Variants in DPYSL2 observed in about 807,000 individuals in gnomAD.
DPYSL2 encodes the protein dihydropyrimidinase like 2.
A neutral mutation model predicts 69.9 loss-of-function variants in DPYSL2; 13 were observed. That is an observed-to-expected ratio of 0.19 (90% CI 0.12 to 0.30). DPYSL2 has a LOEUF of 0.30. DPYSL2 is among the 10% of genes least tolerant of loss of function. The pLI, the probability that DPYSL2 is intolerant of heterozygous loss-of-function variation, is 1.00. For synonymous variants in DPYSL2, 326 were observed against 359.1 expected (o/e 0.91, Z 1.04); for missense variants, 587 against 918.9 (o/e 0.64, Z 4.67).
At position 26,656,464 on chromosome 8, in the gene DPYSL2, G is replaced by C. The variant is rs1024831035; in HGVS notation, c.*758G>C. On this transcript the variant is annotated 3_prime_UTR_variant, in exon 14 of 14. Transcript: ENST00000521913. Reference sequence around the variant, plus strand: ...CTCTTCTCTTTTACCATTTTTCTGCGTGCTCTCACTCTCTCTTTCTCTCTC... The same window carrying C: ...CTCTTCTCTTTTACCATTTTTCTGCCTGCTCTCACTCTCTCTTTCTCTCTC... 1.3e-5 allele frequency: 2 copies of C among 152,278 alleles called. No individual in the cohort carries two copies. Among genetic ancestry groups the C allele is most frequent in the Non-Finnish European group, 2.9e-5 (2 of 67,976 alleles). 9.4% of individuals were successfully genotyped at this position (152,278 alleles called of 1,614,324 possible).
At chr8:26,603,160 T>C (rs1476447846) in intron 3 of DPYSL2, among the ~76,000 whole-genome samples, 1 of 152,176 alleles carries the variant, frequency 6.6e-6, no homozygotes, top group Non-Finnish European at 1.5e-5. Flanking sequence ...TTCTTCTTTA[T>C]TTATTTGTTT....
rs1484020211 is a variant in DPYSL2, at chr8:26,617,802, G to A, written c.629-6341G>A. Among the ~76,000 whole-genome samples, 2 of 152,180 alleles carry A rather than the reference G, an allele frequency of 1.3e-5. No homozygotes were observed. Among genetic ancestry groups the A allele is most frequent in the Non-Finnish European group, 2.9e-5 (2 of 68,028 alleles). ...AAATGTCCTGAATAAACAAATCTAT[G>A]GAGACGGGAAGTAGATTGATGGTGG... On this transcript the variant is annotated intron_variant, in intron 3 of 13. Transcript: ENST00000521913. This position sits in a 1 kb window ranked among gnomAD's most constrained non-coding sequence, Gnocchi z 4.7.
In DPYSL2 at chr8:26,586,203, G is replaced by A. The variant is rs1203406154; in HGVS notation, c.628+2220G>A. On this transcript the variant is annotated intron_variant, in intron 3 of 13. Coordinates refer to ENST00000521913, the MANE Select transcript of DPYSL2 (RefSeq NM_001197293.3). This position sits in a 1 kb window ranked among gnomAD's most constrained non-coding sequence, Gnocchi z 4.7. ...CAGGAGTTAGGAGTCTGGAGTGCTG[G>A]CCCCCTTCTGACACTGACTTGCCGT... Among the ~76,000 whole-genome samples the A allele has an allele frequency of 1.3e-5, 2 of 152,132 alleles. No homozygotes were observed. The highest frequency in any genetic ancestry group is 2.4e-5 in the African/African-American group (1 of 41,418).
At position 26,647,744 on chromosome 8, in the gene DPYSL2, C is replaced by T; in HGVS notation, c.1540C>T (p.Leu514=). 1 of 1,614,102 alleles carries T rather than the reference C, an allele frequency of 6.2e-7. No individual in the cohort carries two copies. The highest frequency in any genetic ancestry group is 8.5e-7 in the Non-Finnish European group (1 of 1,180,024). The part of the protein sequence containing the change: ...GRIAVGSDAD[L]VIWDPDSVKT... ...CATTGCTGTGGGATCCGATGCCGAC[C>T]TGGTCATCTGGGACCCCGACAGCGT... is the stretch of plus-strand genomic sequence containing the variant. Residue 514 remains leucine, a synonymous_variant, in exon 11 of 14, where the codon CTG becomes TTG. Transcript: ENST00000521913. This position sits in a 1 kb window ranked among gnomAD's most constrained non-coding sequence, Gnocchi z 5.1.
intron 1 of DPYSL2, among the ~76,000 whole-genome samples, chr8:26,550,287 A>G (rs1364941407): frequency 6.6e-6 from 1 of 152,232 alleles, no homozygotes; most frequent in Non-Finnish European, 1.5e-5. Flanking sequence ...CTAAAAAGGG[A>G]CATAATTGAT....
At chr8:26,550,326 A>G (rs1250147550) in intron 1 of DPYSL2, among the ~76,000 whole-genome samples, 2 of 152,234 alleles carry the variant, frequency 1.3e-5, no homozygotes, top group African/African-American at 2.4e-5. Flanking sequence ...ATGGAGTTAC[A>G]TAAAGTAATC....
At chr8:26,590,285 G>A (rs1284895953) in intron 3 of DPYSL2, among the ~76,000 whole-genome samples, 1 of 152,212 alleles carries the variant, frequency 6.6e-6, no homozygotes, top group African/African-American at 2.4e-5. Context: ...TGGGCCATTG[G>A]TGTGGGCTGG....
At chr8:26,553,435 G>A (rs2117638930) in intron 1 of DPYSL2, among the ~76,000 whole-genome samples, 1 of 152,130 alleles carries the variant, frequency 6.6e-6, no homozygotes, top group Admixed American at 6.5e-5. Context: ...GTGTCCATGT[G>A]TTTTCATCAC....
intron 3 of DPYSL2, among the ~76,000 whole-genome samples, chr8:26,584,613 C>CTT (rs35587383): frequency 0.079 from 7,893 of 99,904 alleles, 493 homozygotes; most frequent in African/African-American, 0.14. Context: ...GGGCTTTGTG[C>CTT]TTTTTTTTTT....
intron 3 of DPYSL2, among the ~76,000 whole-genome samples, chr8:26,612,980 G>A (rs17055514): frequency 0.013 from 2,047 of 152,322 alleles, 25 homozygotes; most frequent in Middle Eastern, 0.068. Flanking sequence ...GATAAGGTAC[G>A]TGATAACACT....
At chr8:26,543,508 A>T (rs1275638862) in intron 1 of DPYSL2, among the ~76,000 whole-genome samples, 1 of 145,844 alleles carries the variant, frequency 6.9e-6, no homozygotes, top group Non-Finnish European at 1.5e-5. Flanking sequence ...TTTTTTTGAG[A>T]TGGAGTTTTG....
intron 1 of DPYSL2, among the ~76,000 whole-genome samples, chr8:26,544,265 G>A (rs958235592): frequency 1.3e-5 from 2 of 152,130 alleles, no homozygotes; most frequent in Admixed American, 1.3e-4. Flanking sequence ...AGCCAATTGT[G>A]CCTCACCATA....
rs1374555524 is a variant in DPYSL2 at position 26,580,791 on chromosome 8, G to A, written c.355-1178G>A. ...TTGAAATGTGTTGCATATTAAAAGG[G>A]CAATGTATGGTTCAGCTTGCCAGGT... On this transcript the variant is annotated intron_variant, in intron 1 of 13. Transcript: ENST00000521913. This position sits in a 1 kb window ranked among gnomAD's most constrained non-coding sequence, Gnocchi z 4.1. 6.6e-6 allele frequency among the ~76,000 whole-genome samples: 1 copy of A among 152,092 alleles called. No homozygotes were observed. The highest frequency in any genetic ancestry group is 2.4e-5 in the African/African-American group (1 of 41,398).
intron 1 of DPYSL2, among the ~76,000 whole-genome samples, chr8:26,561,951 G>A (rs758866378): frequency 3.9e-5 from 6 of 152,108 alleles, no homozygotes; most frequent in Admixed American, 6.5e-5. Flanking sequence ...GGACCCCTGC[G>A]TTAATATACC....
rs898794648 is a variant in DPYSL2, at chr8:26,631,034, C to T, written c.1005+3094C>T. On this transcript the variant is annotated intron_variant, in intron 7 of 13. Coordinates refer to ENST00000521913, the MANE Select transcript of DPYSL2 (RefSeq NM_001197293.3). ...CATGAGGCTCCTGCTGAGACCCTCACTCTTCAAGTTTTAGAGCCTTCTGAG... is the reference window on the plus strand; with the variant it reads ...CATGAGGCTCCTGCTGAGACCCTCATTCTTCAAGTTTTAGAGCCTTCTGAG... 1.2e-4 allele frequency among the ~76,000 whole-genome samples: 19 copies of T among 152,220 alleles called. 1 individual carries two copies. Among genetic ancestry groups the T allele is most frequent in the Non-Finnish European group, 5.9e-5 (4 of 68,042 alleles).
intron 1 of DPYSL2, among the ~76,000 whole-genome samples, chr8:26,524,569 G>A (rs1808444658): frequency 6.6e-6 from 1 of 152,034 alleles, no homozygotes; most frequent in Non-Finnish European, 1.5e-5. Flanking sequence ...AGGTCAAGGT[G>A]GGCGGATCAC....
At chr8:26,655,589 G>A (rs766878132) in intron 13 of DPYSL2, 26 bp from the exon 14 acceptor site, 111 of 1,577,982 alleles carry the variant, frequency 7.0e-5, no homozygotes, top group East Asian at 2.7e-4. Context: ...CCCCTCACCC[G>A]CTCCTCTCTT....
chr8:26,606,937 G>A (rs1802119907), intron 3 of DPYSL2, among the ~76,000 whole-genome samples: 2 of 152,204 alleles, frequency 1.3e-5, no homozygotes, highest in South Asian at 2.1e-4. Flanking sequence ...CTGCGGATAG[G>A]TATTTACATT....
chr8:26,622,160 T>TTCCCTCCCTCC (rs1563413475), intron 3 of DPYSL2, among the ~76,000 whole-genome samples: 1 of 96,348 alleles, frequency 1.0e-5, no homozygotes, highest in African/African-American at 3.9e-5. Flanking sequence ...CTTCCTTCCC[T>TTCCCTCCCTCC]CTCTCTCTCT....
Sources: gnomAD v4.1 joint callset for allele counts (sites outside exome capture counted in the v4.1 genomes callset) on GRCh38, gnomAD v4.1.1 for gene constraint, Gnocchi (gnomAD v3.1) non-coding constraint, MANE v1.5 for transcripts, NCBI Gene and HGNC (gene_info 2026-07-23, HGNC 2026-07-21) for gene names.